Variants in GUCY2C observed in about 807,000 individuals in gnomAD.
GUCY2C encodes guanylate cyclase 2C, also known as guanylyl cyclase C.
Under a neutral mutation model 131.1 loss-of-function variants are expected in GUCY2C, and 118 were observed. The observed-to-expected ratio is 0.90, with a 90% CI of 0.78 to 1.05. GUCY2C has a LOEUF of 1.05. GUCY2C is among the 50% of genes least tolerant of loss of function. The pLI, the probability that GUCY2C is intolerant of heterozygous loss-of-function variation, is 0.00. For missense variants in GUCY2C, 1,161 were observed against 1,304.4 expected (o/e 0.89, Z 1.69); for synonymous variants, 452 against 457.8 (o/e 0.99, Z 0.16).
intron 12 of GUCY2C, among the ~76,000 whole-genome samples, chr12:14,655,345 G>A (rs2137045097): frequency 6.6e-6 from 1 of 152,302 alleles, no homozygotes; most frequent in African/African-American, 2.4e-5. Context: ...ACACTTAGCT[G>A]AGACAGATTG....
At chr12:14,686,072 AT>A (rs1442098990) in intron 3 of GUCY2C, 88 bp downstream of exon 3, 2 of 795,024 alleles carry the variant, frequency 2.5e-6, no homozygotes, top group Non-Finnish European at 2.2e-6. Context: ...AACACCTCTG[AT>A]TGTGTTGGCT....
intron 25 of GUCY2C, among the ~76,000 whole-genome samples, chr12:14,616,031 A>T (rs1002668184): frequency 2.0e-5 from 3 of 152,184 alleles, no homozygotes; most frequent in Admixed American, 6.5e-5. Flanking sequence ...TGGAATAGCG[A>T]TTCTCAAATA....
intron 2 of GUCY2C, among the ~76,000 whole-genome samples, chr12:14,686,761 A>G (rs1409772691): frequency 1.3e-5 from 2 of 152,202 alleles, no homozygotes; most frequent in Non-Finnish European, 2.9e-5. Flanking sequence ...CTCTCTCTGT[A>G]GAGGCAGAGA....
chr12:14,673,020 A>T, intron 8 of GUCY2C, 62 bp from the exon 9 acceptor site: 1 of 921,354 alleles, frequency 1.1e-6, no homozygotes, highest in Non-Finnish European at 1.8e-6. Flanking sequence ...GATAAGTTGG[A>T]TCATGACAGA....
intron 12 of GUCY2C, among the ~76,000 whole-genome samples, chr12:14,655,087 A>G (rs1947737783): frequency 6.6e-6 from 1 of 152,208 alleles, no homozygotes; most frequent in Admixed American, 6.5e-5. Flanking sequence ...TCCTTGTACA[A>G]CCTATGAAAG....
At chr12:14,668,997 T>C (rs1018951001) in intron 10 of GUCY2C, among the ~76,000 whole-genome samples, 1 of 152,196 alleles carries the variant, frequency 6.6e-6, no homozygotes, top group Non-Finnish European at 1.5e-5. Flanking sequence ...CAGCCTGATA[T>C]GTCAAGTATT....
intron 15 of GUCY2C, among the ~76,000 whole-genome samples, chr12:14,645,961 G>T: frequency 6.6e-6 from 1 of 151,874 alleles, no homozygotes; most frequent in South Asian, 2.1e-4. Context: ...TCAGCCTGCT[G>T]AGTAGCTGGG....
At chr12:14,651,302 C>A in intron 15 of GUCY2C, 105 bp downstream of exon 15, 2 of 628,258 alleles carry the variant, frequency 3.2e-6, no homozygotes, top group Admixed American at 6.0e-5. Context: ...ACCCCACCAA[C>A]TTTCCCTGAT....
chr12:14,643,700 A>T lies in GUCY2C; in HGVS notation c.1804T>A (p.Ser602Thr). The T allele has an allele frequency of 6.2e-7, 1 of 1,611,986 alleles. No individual in the cohort carries two copies. Among genetic ancestry groups the T allele is most frequent in the Non-Finnish European group, 8.5e-7 (1 of 1,178,746 alleles). Residue 602 changes from serine to threonine, a missense_variant, in exon 17 of 27, where the codon TCA (serine) becomes ACA (threonine). Transcript: ENST00000261170. ...TCTGTCTTACTGGAGTGCAGATATG[A>T]CATTCCCTGTAATTTTTTAGATGAT... The part of the protein sequence containing the change: ...SVLYDIAKGM[S>T]YLHSSKTEVH...
chr12:14,651,639 G>A, intron 14 of GUCY2C, 128 bp from the exon 15 acceptor site: 1 of 629,874 alleles, frequency 1.6e-6, no homozygotes, highest in African/African-American at 1.8e-5. Context: ...CAAATTGAAT[G>A]TCAGTACCCA....
intron 23 of GUCY2C, 45 bp from the exon 24 acceptor site, chr12:14,619,354 G>T (rs777559292): frequency 1.6e-6 from 2 of 1,212,566 alleles, no homozygotes; most frequent in Non-Finnish European, 1.2e-6. Context: ...AATAGAAATT[G>T]CAGAGTAGAG....
chr12:14,689,135 A>G (rs112181805), intron 1 of GUCY2C, among the ~76,000 whole-genome samples: 2,536 of 152,304 alleles, frequency 0.017, 89 homozygotes, highest in African/African-American at 0.058. Flanking sequence ...GACACGATTC[A>G]TAACCTAGGT....
Position 14,620,980 on chromosome 12 carries a change from G to T in GUCY2C, c.2776+62C>A, listed in dbSNP as rs1224728072. 1.1e-4 allele frequency: 142 copies of T among 1,296,674 alleles called. 1 individual carries two copies. The highest frequency in any genetic ancestry group is 1.4e-4 in the Non-Finnish European group (130 of 914,208). The allele number at this position is 1,296,674 out of a possible 1,614,324, so 80.3% of individuals were successfully genotyped here. On this transcript the variant is annotated intron_variant, in intron 23 of 26. Transcript: ENST00000261170. ...CACTTGAAGACCTTTTATCCTTTCT[G>T]ATTTAGTTGGTGCACAGCAGTACAT...
intron 10 of GUCY2C, among the ~76,000 whole-genome samples, chr12:14,666,409 A>T (rs1236955123): frequency 6.7e-6 from 1 of 149,852 alleles, no homozygotes; most frequent in Non-Finnish European, 1.5e-5. Flanking sequence ...TTTTGCTAGA[A>T]AAGAAATGGT....
At chr12:14,660,061 G>C (rs1947836728) in intron 11 of GUCY2C, among the ~76,000 whole-genome samples, 1 of 152,214 alleles carries the variant, frequency 6.6e-6, no homozygotes, top group South Asian at 2.1e-4. Flanking sequence ...CAGGAGCCAA[G>C]CGGTGTTGTC....
At chr12:14,636,005 T>G (rs749470294) in intron 19 of GUCY2C, among the ~76,000 whole-genome samples, 3 of 152,174 alleles carry the variant, frequency 2.0e-5, no homozygotes, top group Non-Finnish European at 2.9e-5. Context: ...CTGGATGACT[T>G]TACTGCTGAA....
chr12:14,642,362 T>C (rs531782093), intron 17 of GUCY2C, among the ~76,000 whole-genome samples: 33 of 152,324 alleles, frequency 2.2e-4, no homozygotes, highest in Non-Finnish European at 4.3e-4. Context: ...ACATGCTTCG[T>C]AAGTTTTTCA....
At chr12:14,680,098 A>G (rs994451800) in intron 5 of GUCY2C, among the ~76,000 whole-genome samples, 8 of 111,332 alleles carry the variant, frequency 7.2e-5, no homozygotes, top group Non-Finnish European at 1.7e-4. Context: ...GCCAGGCTGG[A>G]GTAATTACAG....
intron 10 of GUCY2C, among the ~76,000 whole-genome samples, chr12:14,665,349 C>T (rs1243611910): frequency 1.3e-5 from 2 of 151,842 alleles, no homozygotes; most frequent in African/African-American, 4.8e-5. Context: ...AAGGACACAG[C>T]GGCATAAATT....
Sources: allele counts gnomAD v4.1 joint callset (sites outside exome capture counted in the v4.1 genomes callset), GRCh38; gene constraint gnomAD v4.1.1; transcripts MANE v1.5; gene names NCBI Gene and HGNC (gene_info 2026-07-23, HGNC 2026-07-21).